SLC25A13: variants seen among roughly 807,000 people sequenced by gnomAD.
The protein encoded by SLC25A13 is solute carrier family 25 member 13.
In SLC25A13, 70 loss-of-function variants were observed where a neutral mutation model predicts 85.5. That is an observed-to-expected ratio of 0.82 (90% CI 0.68 to 1.00). The LOEUF is 1.00. Ranked by LOEUF, SLC25A13 falls within the 50% of genes least tolerant of loss-of-function variation. The probability of loss-of-function intolerance (pLI) is 0.00; values close to 1 mark genes in which losing one functional copy is unlikely to be tolerated. For synonymous variants in SLC25A13, 259 were observed against 288.7 expected (o/e 0.90, Z 1.04); for missense variants, 765 against 819.8 (o/e 0.93, Z 0.82).
At chr7:96,271,610 AC>A (rs1422112816) in intron 3 of SLC25A13, among the ~76,000 whole-genome samples, 1 of 152,200 alleles carries the variant, frequency 6.6e-6, no homozygotes, top group Non-Finnish European at 1.5e-5. Flanking sequence ...CTGCTTAAAT[AC>A]CAAGAGCTTC....
chr7:96,226,106 T>C (rs1267275971), intron 4 of SLC25A13, among the ~76,000 whole-genome samples: 1 of 152,194 alleles, frequency 6.6e-6, no homozygotes, highest in African/African-American at 2.4e-5. Context: ...CAGCACAATG[T>C]TGTGCAGGAG....
In SLC25A13 at chr7:96,306,567, C is replaced by T. The variant is rs541775492; in HGVS notation, c.16-9616G>A. On this transcript the variant is annotated intron_variant, in intron 1 of 17. Transcript: ENST00000265631. ...CTACGATGGGAGTACAGCAGCCAAA[C>T]GGTAGAGAGCCTTGGGCCTATGTGG... Among the ~76,000 whole-genome samples, 13 of 150,462 alleles carry T rather than the reference C, an allele frequency of 8.6e-5. No individual in the cohort carries two copies. In the South Asian group the frequency reaches 1.3e-3, roughly 15 times the overall value.
chr7:96,184,828 C>A (rs1250692363), intron 10 of SLC25A13, 99 bp downstream of exon 10: 13 of 1,042,862 alleles, frequency 1.2e-5, no homozygotes, highest in Non-Finnish European at 1.8e-5. Flanking sequence ...TTGGGAAAGA[C>A]TAGAGAAGAC....
rs761315073 is a variant in SLC25A13, at chr7:96,120,570, GC to G, written c.*620del. On this transcript the variant is annotated 3_prime_UTR_variant, in exon 18 of 18. Coordinates refer to ENST00000265631, the MANE Select transcript of SLC25A13 (RefSeq NM_014251.3). ...AAAAGTACTTCCCTAAAGTACAAAG[GC>G]ATTTCCCTAGTAGTCTTGGTACCAG... 13 of 454,420 alleles carry G rather than the reference GC, an allele frequency of 2.9e-5. No individual in the cohort carries two copies. Among genetic ancestry groups the G allele is most frequent in the South Asian group, 1.7e-4 (11 of 64,474 alleles). 28.1% of individuals were successfully genotyped at this position (454,420 alleles called of 1,614,324 possible). A position where few individuals can be genotyped will look rare whatever the true frequency, so the allele number is the denominator to read the frequency against.
chr7:96,188,789 A>G (rs1030647464), intron 9 of SLC25A13, among the ~76,000 whole-genome samples: 5 of 152,240 alleles, frequency 3.3e-5, no homozygotes, highest in Non-Finnish European at 5.9e-5. Flanking sequence ...TTTCACAGAG[A>G]AAATAGGTCT....
At chr7:96,298,143 A>C (rs1053314745) in intron 1 of SLC25A13, among the ~76,000 whole-genome samples, 2 of 152,208 alleles carry the variant, frequency 1.3e-5, no homozygotes, top group Non-Finnish European at 2.9e-5. Context: ...CACTGGACCC[A>C]TGTTGCTATC....
chr7:96,154,795 C>CT lies in SLC25A13; in HGVS notation c.1312-8100dup, dbSNP rs199642402. On this transcript the variant is annotated intron_variant, in intron 13 of 17. Transcript: ENST00000265631. Reference sequence around the variant, plus strand: ...GGCTGGTTTTGATACATTTCAGCATCTTTTTCTTTTTTTTTTTTTTAAGAC... The same window carrying CT: ...GGCTGGTTTTGATACATTTCAGCATCTTTTTTCTTTTTTTTTTTTTTAAGAC... Among the ~76,000 whole-genome samples, 703 of 122,364 alleles carry CT rather than the reference C, an allele frequency of 5.7e-3. 11 individuals carry two copies. Among genetic ancestry groups the CT allele is most frequent in the African/African-American group, 0.024 (668 of 28,246 alleles). 80.3% of individuals were successfully genotyped at this position (122,364 alleles called of 152,430 possible).
intron 11 of SLC25A13, among the ~76,000 whole-genome samples, chr7:96,179,229 G>A (rs11761193): frequency 0.15 from 23,249 of 152,214 alleles, 2,140 homozygotes; most frequent in East Asian, 0.26. Context: ...GAACGTTCAG[G>A]ATCCTGGTTA....
chr7:96,246,353 A>G (rs983271096), intron 3 of SLC25A13, among the ~76,000 whole-genome samples: 1 of 152,232 alleles, frequency 6.6e-6, no homozygotes, highest in Non-Finnish European at 1.5e-5. Flanking sequence ...TGATTGAGCT[A>G]AACGATTTTT....
chr7:96,277,058 T>G (rs1798479339), intron 3 of SLC25A13, 138 bp downstream of exon 3: 1 of 775,670 alleles, frequency 1.3e-6, no homozygotes, highest in African/African-American at 1.8e-5. Flanking sequence ...TCAAATAATG[T>G]AATAATAATA....
intron 14 of SLC25A13, among the ~76,000 whole-genome samples, chr7:96,133,278 T>C (rs1374041610): frequency 1.3e-5 from 2 of 152,182 alleles, no homozygotes; most frequent in African/African-American, 4.8e-5. Flanking sequence ...GGCTCAGGCT[T>C]CTGTATCTTG....
chr7:96,261,640 C>T (rs1333875446), intron 3 of SLC25A13, among the ~76,000 whole-genome samples: 2 of 152,198 alleles, frequency 1.3e-5, no homozygotes, highest in Non-Finnish European at 2.9e-5. Context: ...AAGCAACTCA[C>T]TGACAATCAT....
intron 2 of SLC25A13, among the ~76,000 whole-genome samples, chr7:96,294,024 C>T (rs894576620): frequency 6.6e-6 from 1 of 152,142 alleles, no homozygotes; most frequent in Non-Finnish European, 1.5e-5. Flanking sequence ...AGACTTGGAA[C>T]CAACCCAAAT....
chr7:96,213,985 G>C (rs1795794309), intron 4 of SLC25A13, among the ~76,000 whole-genome samples: 1 of 152,108 alleles, frequency 6.6e-6, no homozygotes, highest in South Asian at 2.1e-4. Context: ...GCTATGTTTG[G>C]AAGGCCTGTA....
chr7:96,148,438 T>A (rs1296359639), intron 13 of SLC25A13, among the ~76,000 whole-genome samples: 1 of 152,202 alleles, frequency 6.6e-6, no homozygotes, highest in Non-Finnish European at 1.5e-5. Flanking sequence ...ACATTTCCCA[T>A]GTGATATGGA....
At chr7:96,171,972 G>T (rs1401564580) in intron 11 of SLC25A13, among the ~76,000 whole-genome samples, 1 of 152,124 alleles carries the variant, frequency 6.6e-6, no homozygotes. Flanking sequence ...AATCACAGTT[G>T]TTTTTTCTTG....
At chr7:96,186,608 T>C (rs1562825834) in intron 9 of SLC25A13, among the ~76,000 whole-genome samples, 1 of 152,186 alleles carries the variant, frequency 6.6e-6, no homozygotes, top group Non-Finnish European at 1.5e-5. Flanking sequence ...CGGAGGACTA[T>C]AGCCTTTAAA....
chr7:96,169,043 T>A (rs1793890842), intron 13 of SLC25A13, among the ~76,000 whole-genome samples: 1 of 152,160 alleles, frequency 6.6e-6, no homozygotes, highest in Non-Finnish European at 1.5e-5. Flanking sequence ...CCTGCCCATC[T>A]CCAACAGGTC....
rs540019197 is a variant in SLC25A13 at position 96,257,850 on chromosome 7, TA to T, written c.212+19345del. Among the ~76,000 whole-genome samples, 32 of 152,194 alleles carry T rather than the reference TA, an allele frequency of 2.1e-4. No homozygotes were observed. In the East Asian group the frequency reaches 6.2e-3, roughly 29 times the overall value. On this transcript the variant is annotated intron_variant, in intron 3 of 17. Transcript: ENST00000265631. ...TGGCAAACCAAATCCAGCTGCACAT[TA>T]AAAAGCTTATCTACTATAATCAAGT... is the stretch of plus-strand genomic sequence containing the variant.
Sources: allele counts gnomAD v4.1 joint callset (sites outside exome capture counted in the v4.1 genomes callset), GRCh38; gene constraint gnomAD v4.1.1; transcripts MANE v1.5; gene names NCBI Gene and HGNC (gene_info 2026-07-23, HGNC 2026-07-21).